Variants in RCOR1 observed in about 807,000 individuals in gnomAD.
The protein encoded by RCOR1 is REST corepressor.
Under a neutral mutation model 64.0 loss-of-function variants are expected in RCOR1, and 12 were observed. That is an observed-to-expected ratio of 0.19 (90% CI 0.12 to 0.30). The LOEUF (loss-of-function observed/expected upper bound fraction) is 0.30, where lower values mean the gene tolerates loss of function less well. Ranked by LOEUF, RCOR1 falls within the 10% of genes least tolerant of loss-of-function variation. RCOR1 has a pLI of 1.00. For synonymous variants in RCOR1, 279 were observed against 227.2 expected, an observed-to-expected ratio of 1.23 and a Z score of -2.05; for missense variants, 502 against 621.2, an observed-to-expected ratio of 0.81 and a Z score of 2.04.
rs66743592 is a variant in RCOR1 at position 102,602,394 on chromosome 14, C to CT, written c.361+9088dup. On this transcript the variant is annotated intron_variant, in intron 2 of 11. Coordinates refer to ENST00000262241, the MANE Select transcript of RCOR1 (RefSeq NM_015156.4). ...GCATTTTTTTCTTTTCTTTTCTTTT[C>CT]TTTTTTTTTTTTTTTTTTTGGAGAT... 7.8e-3 allele frequency among the ~76,000 whole-genome samples: 810 copies of CT among 104,144 alleles called. 14 individuals carry two copies. Among genetic ancestry groups the CT allele is most frequent in the African/African-American group, 0.02 (526 of 26,916 alleles). The allele number at this position is 104,144 out of a possible 152,430, so 68.3% of individuals were successfully genotyped here.
At chr14:102,600,701 G>A (rs1567403356) in intron 2 of RCOR1, among the ~76,000 whole-genome samples, 2 of 151,618 alleles carry the variant, frequency 1.3e-5, no homozygotes, top group Admixed American at 1.3e-4. Context: ...CTCCCGAGTA[G>A]CTGGGACTAC....
chr14:102,597,725 C>T (rs1410402219), intron 2 of RCOR1, among the ~76,000 whole-genome samples: 2 of 150,974 alleles, frequency 1.3e-5, no homozygotes, highest in Non-Finnish European at 2.9e-5. Context: ...CCTCTGCCTC[C>T]CGGGTTCAAG....
intron 2 of RCOR1, among the ~76,000 whole-genome samples, chr14:102,678,569 G>A (rs774358044): frequency 1.2e-4 from 18 of 152,122 alleles, no homozygotes; most frequent in Non-Finnish European, 2.2e-4. Flanking sequence ...TGGGATTACA[G>A]GCGTGAGTCA....
At chr14:102,713,181 T>C (rs896807240) in intron 7 of RCOR1, among the ~76,000 whole-genome samples, 51 of 151,750 alleles carry the variant, frequency 3.4e-4, no homozygotes, top group Non-Finnish European at 6.5e-4. Flanking sequence ...TTTGAACTCC[T>C]GACCTCAAGT....
At chr14:102,714,676 T>C (rs1354175870) in intron 8 of RCOR1, 59 bp downstream of exon 8, 1 of 1,323,708 alleles carries the variant, frequency 7.6e-7, no homozygotes, top group Non-Finnish European at 1.0e-6. Context: ...GAGGTGTTTC[T>C]GTTATTCATA....
At chr14:102,721,239 A>G (rs1391347831) in intron 9 of RCOR1, 81 bp from the exon 10 acceptor site, 4 of 1,332,914 alleles carry the variant, frequency 3.0e-6, no homozygotes, top group African/African-American at 1.5e-5. Context: ...CCGATAAGAG[A>G]AAATGAAAGG....
intron 2 of RCOR1, among the ~76,000 whole-genome samples, chr14:102,594,314 G>A (rs1306192505): frequency 6.6e-6 from 1 of 152,030 alleles, no homozygotes; most frequent in Non-Finnish European, 1.5e-5. Flanking sequence ...GAGGGCTTTA[G>A]AGCTGGGGTT....
chr14:102,656,801 G>GTTTTTTTTT, intron 2 of RCOR1, among the ~76,000 whole-genome samples: 1 of 146,220 alleles, frequency 6.8e-6, no homozygotes, highest in African/African-American at 2.5e-5. Context: ...TTTGAGATCA[G>GTTTTTTTTT]GTCTCACTCT....
At position 102,722,363 on chromosome 14, in the gene RCOR1, A is replaced by T. The variant is rs2139995702; in HGVS notation, c.1366A>T (p.Lys456Ter). The T allele has an allele frequency of 6.2e-7, 1 of 1,614,146 alleles. No homozygotes were observed. The highest frequency in any genetic ancestry group is 8.5e-7 in the Non-Finnish European group (1 of 1,180,024). The change falls in exon 11 of 12, where the codon AAG (lysine) becomes TAG (stop). Residue 456 changes from lysine to a stop codon, truncating the protein, a stop_gained. Transcript: ENST00000262241. LOFTEE classifies it high-confidence loss of function. ...KEETNGPSNQKPVKSPDNSIK... is the reference protein window; with the variant it reads ...KEETNGPSNQ ...AGAGACCAATGGGCCCAGTAACCAG[A>T]AGCCTGTGAAGTCCCCAGATAATTC...
In RCOR1 at chr14:102,708,343, GC is replaced by G. The variant is rs1359307846; in HGVS notation, c.661-120del. ...TCTCCATCTCCTGACCTCGTGATCC[GC>G]CTGCCTTAGCCACCCAAAGTGCTGG... On this transcript the variant is annotated intron_variant, in intron 5 of 11. Coordinates refer to ENST00000262241, the MANE Select transcript of RCOR1 (RefSeq NM_015156.4). 30 of 622,072 alleles carry G rather than the reference GC, an allele frequency of 4.8e-5. No individual in the cohort carries two copies. In the East Asian group the frequency reaches 5.1e-4, roughly 11 times the overall value. The allele number at this position is 622,072 out of a possible 1,614,324, so 38.5% of individuals were successfully genotyped here. A position where few individuals can be genotyped will look rare whatever the true frequency, so the allele number is the denominator to read the frequency against.
chr14:102,724,183 C>G (rs986108953), intron 11 of RCOR1, among the ~76,000 whole-genome samples: 6 of 152,120 alleles, frequency 3.9e-5, no homozygotes, highest in African/African-American at 1.4e-4. Flanking sequence ...GATTGATCTT[C>G]CATGTCTCTA....
chr14:102,598,386 T>C (rs1289518906), intron 2 of RCOR1, among the ~76,000 whole-genome samples: 1 of 152,078 alleles, frequency 6.6e-6, no homozygotes, highest in East Asian at 1.9e-4. Flanking sequence ...AATTCTGTCA[T>C]GCCTTACAAA....
intron 2 of RCOR1, among the ~76,000 whole-genome samples, chr14:102,664,717 C>G (rs1239362927): frequency 1.3e-5 from 2 of 152,140 alleles, no homozygotes; most frequent in African/African-American, 4.8e-5. Context: ...GCTACCTAAC[C>G]TATGTTATGC....
chr14:102,713,443 T>C (rs1213767455), intron 7 of RCOR1, among the ~76,000 whole-genome samples: 1 of 151,996 alleles, frequency 6.6e-6, no homozygotes, highest in African/African-American at 2.4e-5. Flanking sequence ...CCACCGCACC[T>C]GGCTAATTTT....
rs762278448 is a variant in RCOR1, at chr14:102,721,013, A to G, written c.1060A>G (p.Asn354Asp). Residue 354 changes from asparagine (N) to aspartate (D), a missense_variant, in exon 9 of 12, where the codon AAT becomes GAT. By Grantham distance (23) the Asn-to-Asp change is conservative. Around this residue, in one of 2 missense-constraint regions of RCOR1, gnomAD observed 260 missense variants for 416.4 expected, o/e 0.62. Coordinates refer to ENST00000262241, the MANE Select transcript of RCOR1 (RefSeq NM_015156.4). ...ELVSVKRQIQ[N>D]IKQTNSALKE... The stretch of plus-strand genomic sequence containing the variant: ...ATTATTTTTTCCTTCCTAGATCCAG[A>G]ATATTAAACAGACAAACAGTGCTCT... 6.7e-7 allele frequency: 1 copy of G among 1,500,508 alleles called. No individual in the cohort carries two copies. Among genetic ancestry groups the G allele is most frequent in the Non-Finnish European group, 9.0e-7 (1 of 1,105,206 alleles). The allele number at this position is 1,500,508 out of a possible 1,614,324, so 92.9% of individuals were successfully genotyped here.
chr14:102,672,191 G>A (rs1895043886), intron 2 of RCOR1, among the ~76,000 whole-genome samples: 1 of 152,052 alleles, frequency 6.6e-6, no homozygotes, highest in Non-Finnish European at 1.5e-5. Context: ...ATACCTAGGA[G>A]TGGATTTTCT....
intron 2 of RCOR1, among the ~76,000 whole-genome samples, chr14:102,631,252 G>C (rs1246315348): frequency 2.0e-5 from 3 of 151,676 alleles, no homozygotes; most frequent in African/African-American, 7.3e-5. Context: ...GCCTGGGCTG[G>C]AGTGCAGTGG....
chr14:102,603,632 T>C (rs1386905156), intron 2 of RCOR1, among the ~76,000 whole-genome samples: 1 of 151,606 alleles, frequency 6.6e-6, no homozygotes, highest in African/African-American at 2.4e-5. Flanking sequence ...ATTTTTCTTT[T>C]TTTTCCCCCT....
intron 2 of RCOR1, chr14:102,657,097 T>G: frequency 1.0e-6 from 1 of 982,362 alleles, no homozygotes; most frequent in Non-Finnish European, 1.2e-6. Context: ...TAAAGCCTAA[T>G]CTTTTTTTTT....
Sources: allele counts gnomAD v4.1 joint callset (sites outside exome capture counted in the v4.1 genomes callset), GRCh38; gene constraint gnomAD v4.1.1; regional missense constraint gnomAD v4.1.1; transcripts MANE v1.5; gene names NCBI Gene and HGNC (gene_info 2026-07-23, HGNC 2026-07-21).